The following NRAP variants were observed in gnomAD, a reference collection of about 807,000 sequenced individuals.
The protein encoded by NRAP is nebulin-related-anchoring protein.
NRAP carries 189 observed loss-of-function variants against 225.9 expected under a neutral mutation model. The observed-to-expected ratio is 0.84, with a 90% CI of 0.74 to 0.94. NRAP has a LOEUF of 0.94. Among genes scored for constraint, NRAP ranks in the 40% least tolerant of loss-of-function variants. The pLI, the probability that NRAP is intolerant of heterozygous loss-of-function variation, is 0.00. For synonymous variants in NRAP, 769 were observed against 790.7 expected (o/e 0.97, Z 0.46); for missense variants, 2,176 against 2,168.7 (o/e 1.00, Z -0.07).
chr10:113,623,471 C>A (rs1180459116), intron 23 of NRAP, 58 bp downstream of exon 23: 2 of 1,087,088 alleles, frequency 1.8e-6, no homozygotes, highest in East Asian at 2.4e-5. Context: ...CAGAGAATCT[C>A]CCCGGTATAA....
At chr10:113,638,419 A>G (rs937214264) in intron 14 of NRAP, among the ~76,000 whole-genome samples, 1 of 152,220 alleles carries the variant, frequency 6.6e-6, no homozygotes, top group East Asian at 1.9e-4. Context: ...TCTCAAATTA[A>G]GAACCCATGC....
chr10:113,626,353 T>A (rs554396456), intron 20 of NRAP, among the ~76,000 whole-genome samples: 1 of 152,318 alleles, frequency 6.6e-6, no homozygotes, highest in East Asian at 1.9e-4. Context: ...TATTACTGAA[T>A]GGGAAATGTA....
At position 113,626,076 on chromosome 10, in the gene NRAP, C is replaced by T. The variant is rs761706634; in HGVS notation, c.2215G>A (p.Ala739Thr). ...CTCTGTAGCTCCTGGCTCTTCTTGG[C>T]GTGCTCCATCTGGGAGCTGTCGGTC... ...SVTDSSQMEHAKKSQELQSGV... is the reference protein window; with the variant it reads ...SVTDSSQMEHTKKSQELQSGV... Residue 739 changes from alanine to threonine, a missense_variant, in exon 21 of 42, where the codon GCC becomes ACC. Physicochemically the swap from Ala to Thr is moderately conservative, Grantham distance 58. This residue lies in a region of NRAP where 1,708 missense variants were observed against 1,695.5 expected (regional missense o/e 1.01). Transcript: ENST00000359988. 28 of 1,612,262 alleles carry T rather than the reference C, an allele frequency of 1.7e-5. No individual in the cohort carries two copies. Among genetic ancestry groups the T allele is most frequent in the South Asian group, 2.2e-5 (2 of 90,428 alleles).
intron 10 of NRAP, among the ~76,000 whole-genome samples, chr10:113,646,479 A>C (rs993512978): frequency 6.6e-6 from 1 of 152,248 alleles, no homozygotes; most frequent in African/African-American, 2.4e-5. Flanking sequence ...TGCAGTGAGC[A>C]TGTCACTTTT....
At chr10:113,633,903 G>C (rs536341596) in intron 15 of NRAP, among the ~76,000 whole-genome samples, 20 of 152,252 alleles carry the variant, frequency 1.3e-4, no homozygotes, top group African/African-American at 3.6e-4. Flanking sequence ...CAGGTACATG[G>C]GGATTCATTA....
intron 39 of NRAP, among the ~76,000 whole-genome samples, chr10:113,591,604 G>A (rs974411464): frequency 6.6e-5 from 10 of 152,206 alleles, no homozygotes; most frequent in African/African-American, 2.2e-4. Flanking sequence ...GTGCGCCTCC[G>A]TCTAGCACTG....
chr10:113,603,212 G>T (rs1846715750), intron 35 of NRAP, among the ~76,000 whole-genome samples: 1 of 152,184 alleles, frequency 6.6e-6, no homozygotes, highest in Admixed American at 6.5e-5. Flanking sequence ...CTGCGGCTTG[G>T]AGAGGACATG....
intron 3 of NRAP, among the ~76,000 whole-genome samples, chr10:113,661,931 A>G (rs560378828): frequency 1.1e-4 from 17 of 152,314 alleles, no homozygotes; most frequent in African/African-American, 4.1e-4. Context: ...TCCTTGTAAT[A>G]TGTTCCAACT....
chr10:113,659,661 A>C (rs1850539656), intron 3 of NRAP, among the ~76,000 whole-genome samples: 1 of 152,238 alleles, frequency 6.6e-6, no homozygotes, highest in Non-Finnish European at 1.5e-5. Context: ...TCTGAATAGA[A>C]GAAAACCCTA....
At chr10:113,592,339 T>C (rs754509800) in intron 38 of NRAP, 38 bp from the exon 39 acceptor site, 5 of 1,358,542 alleles carry the variant, frequency 3.7e-6, no homozygotes, top group Non-Finnish European at 5.2e-6. Context: ...AAGCAGGCAG[T>C]CACTCCACTG....
intron 31 of NRAP, among the ~76,000 whole-genome samples, chr10:113,609,966 G>GAA (rs556665671): frequency 5.1e-5 from 6 of 116,570 alleles, no homozygotes; most frequent in Non-Finnish European, 7.4e-5. Context: ...AATCCAGTAA[G>GAA]AAAAAAAAAA....
rs1170607552 is a variant in NRAP, at chr10:113,606,184, C to T, written c.3801G>A (p.Leu1267=). Residue 1267 remains leucine, a synonymous_variant, in exon 33 of 42, where the codon CTG becomes CTA. Transcript: ENST00000359988. ...AAGTAACAAAAGGGCTTACGTCACT[C>T]AGGTTGGCTGCATTCGTTTTTGCTC... The part of the protein sequence containing the change: ...FIRAKTNAAN[L]SDARYKESWR... 1 of 1,612,188 alleles carries T rather than the reference C, an allele frequency of 6.2e-7. No homozygotes were observed. Among genetic ancestry groups the T allele is most frequent in the Non-Finnish European group, 8.5e-7 (1 of 1,178,244 alleles).
intron 39 of NRAP, 145 bp downstream of exon 39, chr10:113,592,049 T>G (rs1846022928): frequency 2.2e-6 from 1 of 450,070 alleles, no homozygotes; most frequent in Non-Finnish European, 4.0e-6. Context: ...TTTTTTTTTC[T>G]TTCATTTAAA....
chr10:113,607,689 A>C (rs1202370072), intron 32 of NRAP, among the ~76,000 whole-genome samples: 2 of 152,230 alleles, frequency 1.3e-5, no homozygotes, highest in African/African-American at 2.4e-5. Flanking sequence ...TAAATAACCA[A>C]ATCTCAGCTG....
intron 30 of NRAP, among the ~76,000 whole-genome samples, chr10:113,611,576 C>G (rs1847324706): frequency 6.6e-6 from 1 of 152,158 alleles, no homozygotes. Flanking sequence ...AAATCGGGAT[C>G]ACGAGTGAGA....
At chr10:113,649,567 G>C (rs1349399027) in intron 9 of NRAP, among the ~76,000 whole-genome samples, 1 of 152,052 alleles carries the variant, frequency 6.6e-6, no homozygotes, top group Non-Finnish European at 1.5e-5. Flanking sequence ...TTGGAAAAAG[G>C]GTTTGCATTC....
At chr10:113,647,692 T>C (rs1371576204) in intron 9 of NRAP, among the ~76,000 whole-genome samples, 1 of 151,914 alleles carries the variant, frequency 6.6e-6, no homozygotes, top group African/African-American at 2.4e-5. Context: ...CCCCCGGTGG[T>C]ACTGTCTCCC....
intron 18 of NRAP, among the ~76,000 whole-genome samples, chr10:113,630,783 T>C (rs983469004): frequency 2.0e-5 from 3 of 152,220 alleles, no homozygotes; most frequent in Non-Finnish European, 2.9e-5. Flanking sequence ...CCCTCTTTTG[T>C]ATTCAAGCTA....
intron 14 of NRAP, among the ~76,000 whole-genome samples, chr10:113,634,472 A>G (rs977767878): frequency 6.6e-6 from 1 of 152,206 alleles, no homozygotes; most frequent in African/African-American, 2.4e-5. Context: ...CAGCCACACT[A>G]TTAATGAGAG....
Sources: gnomAD v4.1 joint callset for allele counts (sites outside exome capture counted in the v4.1 genomes callset) on GRCh38, gnomAD v4.1.1 for gene constraint, gnomAD v4.1.1 regional missense constraint, MANE v1.5 for transcripts, NCBI Gene and HGNC (gene_info 2026-07-23, HGNC 2026-07-21) for gene names.